The following AGO3 variants were observed in gnomAD, a reference collection of about 807,000 sequenced individuals.
AGO3 encodes protein argonaute-3.
AGO3 carries 16 observed loss-of-function variants against 105.5 expected under a neutral mutation model. The observed-to-expected ratio is 0.15, with a 90% confidence interval of 0.10 to 0.23. The LOEUF is 0.23. Ranked by LOEUF, AGO3 falls within the 10% of genes least tolerant of loss-of-function variation. The probability of loss-of-function intolerance (pLI) is 1.00; values close to 1 mark genes in which losing one functional copy is unlikely to be tolerated. For synonymous variants in AGO3, 340 were observed against 367.3 expected (o/e 0.93, Z 0.85); for missense variants, 534 against 1,088.0 (o/e 0.49, Z 7.16).
chr1:36,053,157 AC>A (rs1355102690), intron 17 of AGO3, among the ~76,000 whole-genome samples: 1 of 152,110 alleles, frequency 6.6e-6, no homozygotes, highest in Non-Finnish European at 1.5e-5. Flanking sequence ...ACTTTTGAAG[AC>A]CATTGATATG....
chr1:35,946,734 T>C (rs992219758), intron 2 of AGO3, among the ~76,000 whole-genome samples: 4 of 152,206 alleles, frequency 2.6e-5, no homozygotes, highest in Admixed American at 6.5e-5. Context: ...ATTTCTGTTA[T>C]ACCTGAAAGT....
chr1:36,009,110 G>A (rs926929624), intron 8 of AGO3, 66 bp downstream of exon 8: 23 of 1,368,234 alleles, frequency 1.7e-5, no homozygotes, highest in East Asian at 1.4e-4. Context: ...TTTTATGGCC[G>A]ATAACTTACC....
rs566983668 is a variant in AGO3 at position 36,031,863 on chromosome 1, C to A, written c.1592-2311C>A. Among the ~76,000 whole-genome samples, 73 of 149,002 alleles carry A rather than the reference C, an allele frequency of 4.9e-4. 1 individual carries two copies. The South Asian group carries it at 0.014, about 29-fold the overall frequency. ...GTCAGAATTTTCTTCCTTTTTTGGG[C>A]CAAATAATATTCCATTGTTTGTATA... On this transcript the variant is annotated intron_variant, in intron 12 of 18. Coordinates refer to ENST00000373191, the MANE Select transcript of AGO3 (RefSeq NM_024852.4).
chr1:35,964,540 G>A (rs1022587548), intron 2 of AGO3, among the ~76,000 whole-genome samples: 1 of 152,142 alleles, frequency 6.6e-6, no homozygotes, highest in East Asian at 1.9e-4. Flanking sequence ...TGGGCATTTA[G>A]GTTGATTCCA....
intron 11 of AGO3, among the ~76,000 whole-genome samples, chr1:36,018,840 T>C (rs1189299970): frequency 1.3e-5 from 2 of 151,924 alleles, no homozygotes; most frequent in Non-Finnish European, 2.9e-5. Flanking sequence ...TTGGAAAAAA[T>C]TGAGAGCCAA....
intron 1 of AGO3, among the ~76,000 whole-genome samples, chr1:35,938,448 G>A (rs1436434354): frequency 1.3e-5 from 2 of 152,042 alleles, no homozygotes; most frequent in African/African-American, 4.8e-5. Context: ...ACATCCATCC[G>A]TCTGTCCATA....
intron 4 of AGO3, 56 bp downstream of exon 4, chr1:35,972,288 G>T: frequency 6.4e-7 from 1 of 1,559,016 alleles, no homozygotes; most frequent in African/African-American, 1.4e-5. Flanking sequence ...AATGAATTGT[G>T]CAGGCTTCCC....
intron 2 of AGO3, among the ~76,000 whole-genome samples, chr1:35,951,667 G>A (rs1646471839): frequency 6.6e-6 from 1 of 152,154 alleles, no homozygotes; most frequent in Non-Finnish European, 1.5e-5. Context: ...GGGATTATAG[G>A]TTTGAGCCAC....
intron 5 of AGO3, among the ~76,000 whole-genome samples, chr1:35,991,549 A>G (rs1647658346): frequency 6.8e-6 from 1 of 147,874 alleles, no homozygotes; most frequent in Non-Finnish European, 1.5e-5. Context: ...ATATATATAT[A>G]TATAAAATAT....
chr1:35,995,720 C>T (rs147207180), intron 5 of AGO3, among the ~76,000 whole-genome samples: 20 of 152,284 alleles, frequency 1.3e-4, no homozygotes, highest in Non-Finnish European at 2.4e-4. Flanking sequence ...CCCTATCACC[C>T]GGACTGGAGT....
At chr1:36,017,389 A>G (rs1038187505) in intron 11 of AGO3, among the ~76,000 whole-genome samples, 4 of 152,218 alleles carry the variant, frequency 2.6e-5, no homozygotes, top group African/African-American at 9.6e-5. Flanking sequence ...GTATTCCTCC[A>G]TGTTCAATAA....
chr1:36,019,665 G>A (rs1205755230), intron 11 of AGO3, among the ~76,000 whole-genome samples: 1 of 152,168 alleles, frequency 6.6e-6, no homozygotes, highest in Non-Finnish European at 1.5e-5. Flanking sequence ...TGAAGTTTTG[G>A]TTGTCTTCTC....
At chr1:36,051,143 C>G (rs1642700804) in intron 17 of AGO3, among the ~76,000 whole-genome samples, 1 of 151,920 alleles carries the variant, frequency 6.6e-6, no homozygotes, top group South Asian at 2.1e-4. Context: ...TAATGTTGGC[C>G]AGGCTGGTCT....
Position 35,934,920 on chromosome 1 carries a change from A to G in AGO3, c.19+3475A>G, listed in dbSNP as rs115906144. Reference sequence around the variant, plus strand: ...GCCTGCCTCGGCCTCCCAGAAAACAATCTTCTTTAATAACTTTGAGAAATG... The same window carrying G: ...GCCTGCCTCGGCCTCCCAGAAAACAGTCTTCTTTAATAACTTTGAGAAATG... On this transcript the variant is annotated intron_variant, in intron 1 of 18. Transcript: ENST00000373191. Among the ~76,000 whole-genome samples, 1,022 of 152,226 alleles carry G rather than the reference A, an allele frequency of 6.7e-3. 8 individuals carry two copies. Among genetic ancestry groups the G allele is most frequent in the African/African-American group, 0.023 (967 of 41,532 alleles).
At chr1:35,945,042 G>A (rs1423288470) in intron 1 of AGO3, among the ~76,000 whole-genome samples, 1 of 152,068 alleles carries the variant, frequency 6.6e-6, no homozygotes, top group African/African-American at 2.4e-5. Flanking sequence ...GAGCTCAGGC[G>A]ATCCACCTGC....
intron 5 of AGO3, among the ~76,000 whole-genome samples, chr1:35,991,534 T>G (rs1647653195): frequency 7.0e-6 from 1 of 142,568 alleles, no homozygotes; most frequent in Non-Finnish European, 1.5e-5. Flanking sequence ...GGGAGCAAAT[T>G]TTATATATAT....
chr1:35,933,060 C>T (rs1169910275), intron 1 of AGO3, among the ~76,000 whole-genome samples: 1 of 152,128 alleles, frequency 6.6e-6, no homozygotes, highest in African/African-American at 2.4e-5. Context: ...ATACATTTTA[C>T]CTCTTCTTTT....
chr1:36,002,324 A>ATTTT (rs375411955), intron 5 of AGO3, among the ~76,000 whole-genome samples: 6 of 119,224 alleles, frequency 5.0e-5, no homozygotes, highest in African/African-American at 1.8e-4. Flanking sequence ...AGCCAAGATA[A>ATTTT]TTTTTTTTTT....
rs193202375 is a variant in AGO3, at chr1:35,987,424, C to T, written c.658+13913C>T. Among the ~76,000 whole-genome samples the T allele has an allele frequency of 1.2e-3, 185 of 151,326 alleles. No homozygotes were observed. In the Middle Eastern group the frequency reaches 0.02, roughly 17 times the overall value. On this transcript the variant is annotated intron_variant, in intron 5 of 18. Transcript: ENST00000373191. ...AGGAGAATTTCTTGAACCCAGGAGA[C>T]GGAGGTTGCAGTGAGCCGAGATCAC...
Sources: gnomAD v4.1 joint callset for allele counts (sites outside exome capture counted in the v4.1 genomes callset) on GRCh38, gnomAD v4.1.1 for gene constraint, MANE v1.5 for transcripts, NCBI Gene and HGNC (gene_info 2026-07-23, HGNC 2026-07-21) for gene names.